Variants in S100A8 observed in about 807,000 individuals in gnomAD.
The protein encoded by S100A8 is S100 calcium binding protein A8, also known as protein S100-A8.
A neutral mutation model predicts 4.2 loss-of-function variants in S100A8; 1 was observed. That is an observed-to-expected ratio of 0.24 (90% confidence interval 0.08 to 1.12). S100A8 has a LOEUF of 1.12. Among genes scored for constraint, S100A8 ranks in the 50% most tolerant of loss-of-function variants. The probability of loss-of-function intolerance (pLI) is 0.53; values close to 1 mark genes in which losing one functional copy is unlikely to be tolerated. For missense variants in S100A8, 96 were observed against 111.8 expected, an observed-to-expected ratio of 0.86 and a Z score of 0.64; for synonymous variants, 41 against 44.7, an observed-to-expected ratio of 0.92 and a Z score of 0.33.
upstream of S100A8, among the ~76,000 whole-genome samples, chr1:153,392,919 A>G (rs1330565697): frequency 2.0e-5 from 3 of 152,244 alleles, no homozygotes; most frequent in Non-Finnish European, 4.4e-5. Flanking sequence ...AAATCATGAC[A>G]AAATACTAGT....
the S100A8 span, among the ~76,000 whole-genome samples, chr1:153,411,412 C>A: frequency 1.3e-5 from 2 of 152,180 alleles, no homozygotes; most frequent in African/African-American, 2.4e-5. Context: ...ACCTAGGAAT[C>A]CAACTTACAA....
the S100A8 span, chr1:153,418,298 G>C: frequency 6.3e-7 from 1 of 1,583,524 alleles, no homozygotes; most frequent in Non-Finnish European, 8.6e-7. Flanking sequence ...ATGTGGCCTT[G>C]GACAGGTCAC....
chr1:153,390,202 G>A lies in S100A8; in HGVS notation c.183C>T (p.Asn61=), dbSNP rs1433889126. The part of the protein sequence containing the change: ...ADVWFKELDI[N]TDGAVNFQEF... ...CCTGGAAGTTAACTGCACCATCAGT[G>A]TTGATATCCAACTCTTTGAACCAGA... Residue 61 remains asparagine, a synonymous_variant, in exon 3 of 3, where the codon AAC becomes AAT. Coordinates refer to ENST00000368733, the MANE Select transcript of S100A8 (RefSeq NM_002964.5). The A allele has an allele frequency of 1.2e-6, 2 of 1,613,890 alleles. No homozygotes were observed. Among genetic ancestry groups the A allele is most frequent in the Non-Finnish European group, 1.7e-6 (2 of 1,179,908 alleles).
chr1:153,402,151 T>A, the S100A8 span, among the ~76,000 whole-genome samples: 10 of 152,336 alleles, frequency 6.6e-5, no homozygotes, highest in South Asian at 2.1e-3. Context: ...ACCAGGAGGC[T>A]GCTGGAGAGT....
the S100A8 span, among the ~76,000 whole-genome samples, chr1:153,406,014 C>G: frequency 6.6e-6 from 1 of 152,168 alleles, no homozygotes; most frequent in African/African-American, 2.4e-5. Context: ...CCAAACAGAA[C>G]AGCTGGCTGT....
At chr1:153,407,837 G>A in the S100A8 span, among the ~76,000 whole-genome samples, 3 of 152,194 alleles carry the variant, frequency 2.0e-5, no homozygotes, top group Admixed American at 2.0e-4. Context: ...AGCCTCCGCT[G>A]GTGACACCCA....
upstream of S100A8, among the ~76,000 whole-genome samples, chr1:153,393,223 G>C (rs1277369583): frequency 6.6e-6 from 1 of 152,108 alleles, no homozygotes; most frequent in Non-Finnish European, 1.5e-5. Flanking sequence ...TCTGCTCCAA[G>C]TCCATCCCTG....
the S100A8 span, chr1:153,419,157 A>G: frequency 1.2e-6 from 2 of 1,613,946 alleles, no homozygotes; most frequent in African/African-American, 2.7e-5. Context: ...CAAAAAGGGC[A>G]TACATTACCT....
chr1:153,418,923 T>C, the S100A8 span, among the ~76,000 whole-genome samples: 1 of 152,200 alleles, frequency 6.6e-6, no homozygotes, highest in South Asian at 2.1e-4. Context: ...AGGACCTGCC[T>C]CCCATCCTGA....
chr1:153,406,575 A>G, the S100A8 span, among the ~76,000 whole-genome samples: 1 of 152,202 alleles, frequency 6.6e-6, no homozygotes, highest in Non-Finnish European at 1.5e-5. Flanking sequence ...GCATAAATGA[A>G]TGGATAAAAT....
chr1:153,404,318 T>C, the S100A8 span, among the ~76,000 whole-genome samples: 4 of 152,338 alleles, frequency 2.6e-5, no homozygotes, highest in Non-Finnish European at 4.4e-5. Flanking sequence ...CCAGCCGCTC[T>C]GTGGAGGCCC....
the S100A8 span, among the ~76,000 whole-genome samples, chr1:153,396,937 C>T: frequency 6.6e-6 from 1 of 152,338 alleles, no homozygotes; most frequent in East Asian, 1.9e-4. Flanking sequence ...TGCAAAGAGA[C>T]AGGGGCATAG....
chr1:153,421,078 T>C, the S100A8 span: 29,164 of 152,140 alleles, frequency 0.19, 4,649 homozygotes, highest in African/African-American at 0.44. Context: ...TTCACCTTGC[T>C]GCTGTTATTC....
At chr1:153,404,246 G>A in the S100A8 span, among the ~76,000 whole-genome samples, 444 of 147,684 alleles carry the variant, frequency 3.0e-3, 18 homozygotes, top group East Asian at 0.076. Context: ...GGTTTCTATG[G>A]CAGTCACTTC....
intron 1 of S100A8, 121 bp downstream of exon 1, chr1:153,390,920 G>A: frequency 2.9e-6 from 2 of 700,650 alleles, no homozygotes; most frequent in South Asian, 1.1e-4. Flanking sequence ...ACCTCCAGGA[G>A]TATCTTTGCT....
the S100A8 span, among the ~76,000 whole-genome samples, chr1:153,402,636 G>A: frequency 6.6e-6 from 1 of 152,152 alleles, no homozygotes; most frequent in Non-Finnish European, 1.5e-5. Context: ...AAAGTTTTTA[G>A]TAAGGGATAT....
the S100A8 span, chr1:153,419,010 C>G: frequency 3.3e-6 from 3 of 913,628 alleles, no homozygotes; most frequent in Non-Finnish European, 5.1e-6. Context: ...CCCACTCACC[C>G]TGTGCTCTCA....
At chr1:153,392,274 G>A (rs898753562), upstream of S100A8, among the ~76,000 whole-genome samples, 6 of 152,078 alleles carry the variant, frequency 3.9e-5, no homozygotes, top group Admixed American at 3.3e-4. Flanking sequence ...GAAGCAAAAC[G>A]ACAATGAGAT....
At chr1:153,419,513 G>A in the S100A8 span, 12 of 616,172 alleles carry the variant, frequency 1.9e-5, no homozygotes, top group South Asian at 2.5e-4. Context: ...TCCCCCTATG[G>A]CCTCCAGCAG....
Sources: gnomAD v4.1 joint callset for allele counts (sites outside exome capture counted in the v4.1 genomes callset) on GRCh38, gnomAD v4.1.1 for gene constraint, MANE v1.5 for transcripts, NCBI Gene and HGNC (gene_info 2026-07-23, HGNC 2026-07-21) for gene names.